The following RREB1 variants were observed in gnomAD, a reference collection of about 807,000 sequenced individuals.
RREB1 encodes ras responsive element binding protein 1.
Under a neutral mutation model 117.8 loss-of-function variants are expected in RREB1, and 27 were observed. That is an observed-to-expected ratio of 0.23 (90% CI 0.17 to 0.32). The LOEUF (loss-of-function observed/expected upper bound fraction) is 0.32. Among genes scored for constraint, RREB1 ranks in the 10% least tolerant of loss-of-function variants. The pLI, the probability that RREB1 is intolerant of heterozygous loss-of-function variation, is 1.00. For synonymous variants in RREB1, 1,298 were observed against 1,026.7 expected (o/e 1.26, Z -5.05); for missense variants, 2,577 against 2,378.2 (o/e 1.08, Z -1.74).
At chr6:7,172,870 C>A (rs1764292616) in intron 1 of RREB1, among the ~76,000 whole-genome samples, 1 of 152,220 alleles carries the variant, frequency 6.6e-6, no homozygotes, top group Non-Finnish European at 1.5e-5. Flanking sequence ...GCAGGCAGAA[C>A]AGGCATGGCC....
At chr6:7,117,901 A>G (rs1275893416) in intron 1 of RREB1, among the ~76,000 whole-genome samples, 1 of 152,076 alleles carries the variant, frequency 6.6e-6, no homozygotes, top group Non-Finnish European at 1.5e-5. Flanking sequence ...AAAAAAGCAA[A>G]AAGAAGAAAA....
chr6:7,228,597 C>T (rs1415453681), intron 9 of RREB1, among the ~76,000 whole-genome samples: 2 of 148,660 alleles, frequency 1.3e-5, no homozygotes, highest in Non-Finnish European at 3.0e-5. Flanking sequence ...ACTCAACCTC[C>T]TTAAGCTCAG....
At chr6:7,141,724 C>G (rs1378061859) in intron 1 of RREB1, among the ~76,000 whole-genome samples, 1 of 152,202 alleles carries the variant, frequency 6.6e-6, no homozygotes, top group Non-Finnish European at 1.5e-5. Context: ...CTCCTTTAAG[C>G]CTTTTTTGAC....
At chr6:7,129,869 T>C (rs762938240) in intron 1 of RREB1, among the ~76,000 whole-genome samples, 13 of 152,226 alleles carry the variant, frequency 8.5e-5, no homozygotes, top group Admixed American at 6.5e-5. Context: ...TGATTTATCT[T>C]GTTTATAATG....
At chr6:7,110,803 G>T (rs1761104372) in intron 1 of RREB1, among the ~76,000 whole-genome samples, 1 of 152,140 alleles carries the variant, frequency 6.6e-6, no homozygotes, top group African/African-American at 2.4e-5. Context: ...AAGAGGATTT[G>T]CTGGATGTGT....
intron 1 of RREB1, among the ~76,000 whole-genome samples, chr6:7,140,313 A>C (rs1762511015): frequency 6.6e-6 from 1 of 152,234 alleles, no homozygotes; most frequent in South Asian, 2.1e-4. Context: ...GGCCCTATCA[A>C]AGACGTAATG....
rs1396510137 is a variant in RREB1, at chr6:7,246,638, T to C, written c.4188T>C (p.Thr1396=). 3.2e-6 allele frequency: 5 copies of C among 1,573,382 alleles called. No individual in the cohort carries two copies. Among genetic ancestry groups the C allele is most frequent in the Non-Finnish European group, 4.3e-6 (5 of 1,159,618 alleles). The part of the protein sequence containing the change: ...ESHEPEEEHG[T]EESTGDADGA... ...ATGAGCCGGAGGAGGAGCATGGCAC[T>C]GAGGAGAGCACTGGGGACGCCGACG... is the stretch of plus-strand genomic sequence containing the variant. Residue 1396 remains threonine, a synonymous_variant, in exon 12 of 13, where the codon ACT becomes ACC. Coordinates refer to ENST00000379938, the MANE Select transcript of RREB1 (RefSeq NM_001003699.4).
intron 1 of RREB1, among the ~76,000 whole-genome samples, chr6:7,117,129 C>T (rs977240505): frequency 3.3e-5 from 5 of 152,152 alleles, no homozygotes; most frequent in Admixed American, 2.6e-4. Flanking sequence ...TTGTATGTGT[C>T]TGTGTATGTG....
At chr6:7,114,450 A>G (rs1419492391) in intron 1 of RREB1, among the ~76,000 whole-genome samples, 1 of 127,746 alleles carries the variant, frequency 7.8e-6, no homozygotes, top group Non-Finnish European at 1.7e-5. Context: ...GTCTGGAGAC[A>G]TTTTTAAGTG....
intron 1 of RREB1, among the ~76,000 whole-genome samples, chr6:7,128,755 G>C (rs1762037687): frequency 6.6e-6 from 1 of 152,160 alleles, no homozygotes; most frequent in Non-Finnish European, 1.5e-5. Flanking sequence ...GATCACCTGA[G>C]TTCAGGAGTT....
intron 6 of RREB1, among the ~76,000 whole-genome samples, chr6:7,207,784 A>C (rs186970486): frequency 6.6e-6 from 1 of 152,342 alleles, no homozygotes; most frequent in Admixed American, 6.5e-5. Context: ...GCATTACAGA[A>C]ACGCAGTAGT....
intron 1 of RREB1, among the ~76,000 whole-genome samples, chr6:7,168,030 G>A (rs1764036457): frequency 6.6e-6 from 1 of 152,040 alleles, no homozygotes. Flanking sequence ...TGAGGCCGAG[G>A]TGGGAGGATC....
chr6:7,127,823 G>A (rs1011733831), intron 1 of RREB1, among the ~76,000 whole-genome samples: 1 of 152,108 alleles, frequency 6.6e-6, no homozygotes, highest in Non-Finnish European at 1.5e-5. Flanking sequence ...TGCAGAGCAT[G>A]TGCCCTCATC....
chr6:7,114,474 G>GC (rs1276427690), intron 1 of RREB1, among the ~76,000 whole-genome samples: 1 of 151,932 alleles, frequency 6.6e-6, no homozygotes, highest in Admixed American at 6.6e-5. Flanking sequence ...CTGGTGGGGG[G>GC]GGGGGCGGCA....
At chr6:7,242,574 TGATTTCAAGGA>T (rs896488626) in intron 11 of RREB1, among the ~76,000 whole-genome samples, 1 of 151,868 alleles carries the variant, frequency 6.6e-6, no homozygotes, top group African/African-American at 2.4e-5. Context: ...CAGAGTTTAG[TGATTTCAAGGA>T]GGATTTTAAA....
rs564606830 is a variant in RREB1, at chr6:7,221,375, T to C, written c.708-5092T>C. ...TTTTAGTAGAGACGGGGTTTCACCT[T>C]GTTAGCCAGGATGGTCTCGATCTCC... On this transcript the variant is annotated intron_variant, in intron 8 of 12. Coordinates refer to ENST00000379938, the MANE Select transcript of RREB1 (RefSeq NM_001003699.4). Among the ~76,000 whole-genome samples, 620 of 152,090 alleles carry C rather than the reference T, an allele frequency of 4.1e-3. 4 individuals carry two copies. The highest frequency in any genetic ancestry group is 0.014 in the African/African-American group (583 of 41,494).
At chr6:7,110,176 G>A (rs1042886045) in intron 1 of RREB1, among the ~76,000 whole-genome samples, 3 of 152,148 alleles carry the variant, frequency 2.0e-5, no homozygotes, top group Non-Finnish European at 4.4e-5. Context: ...AAGTTTAATT[G>A]AAGTGGAAGG....
chr6:7,120,934 C>G (rs913151917), intron 1 of RREB1, among the ~76,000 whole-genome samples: 1 of 151,584 alleles, frequency 6.6e-6, no homozygotes, highest in African/African-American at 2.4e-5. Context: ...ATTCTCCCTC[C>G]TGCCTCAGCC....
At chr6:7,145,495 C>G (rs1762815775) in intron 1 of RREB1, among the ~76,000 whole-genome samples, 2 of 152,018 alleles carry the variant, frequency 1.3e-5, no homozygotes, top group Non-Finnish European at 2.9e-5. Context: ...TTCAGGCTGC[C>G]CTTATTAACC....
Sources: gnomAD v4.1 joint callset for allele counts (sites outside exome capture counted in the v4.1 genomes callset) on GRCh38, gnomAD v4.1.1 for gene constraint, MANE v1.5 for transcripts, NCBI Gene and HGNC (gene_info 2026-07-23, HGNC 2026-07-21) for gene names.